Variants in IL20RB observed in about 807,000 individuals in gnomAD.
IL20RB encodes the protein interleukin-20 receptor subunit beta.
In IL20RB, 21 loss-of-function variants were observed where a neutral mutation model predicts 33.3. That is an observed-to-expected ratio of 0.63 (90% CI 0.45 to 0.91). The LOEUF (loss-of-function observed/expected upper bound fraction) is 0.91. IL20RB is among the 40% of genes least tolerant of loss of function. The pLI, the probability that IL20RB is intolerant of heterozygous loss-of-function variation, is 0.00. For synonymous variants in IL20RB, 147 were observed against 146.8 expected, an observed-to-expected ratio of 1.00 and a Z score of -0.01; for missense variants, 345 against 384.8, an observed-to-expected ratio of 0.90 and a Z score of 0.86.
intron 3 of IL20RB, among the ~76,000 whole-genome samples, chr3:136,984,556 A>G (rs2108202346): frequency 6.6e-6 from 1 of 152,122 alleles, no homozygotes; most frequent in African/African-American, 2.4e-5. Context: ...CAGAATTTGC[A>G]GCATTCGGAT....
intron 6 of IL20RB, among the ~76,000 whole-genome samples, chr3:137,006,248 G>C (rs964057319): frequency 2.0e-5 from 3 of 150,226 alleles, no homozygotes; most frequent in Non-Finnish European, 4.5e-5. Flanking sequence ...GTGTCTTGGG[G>C]TTGCTCTTCT....
At chr3:136,982,063 C>A in intron 2 of IL20RB, 97 bp from the exon 3 acceptor site, 2 of 790,666 alleles carry the variant, frequency 2.5e-6, no homozygotes, top group Non-Finnish European at 3.9e-6. Context: ...TTTTACTTAC[C>A]TGTACAAAGT....
chr3:136,996,545 G>A (rs1942131418), intron 6 of IL20RB, among the ~76,000 whole-genome samples: 1 of 152,078 alleles, frequency 6.6e-6, no homozygotes, highest in Non-Finnish European at 1.5e-5. Context: ...TGACATCCCT[G>A]TGGCCCTGCT....
At chr3:137,003,037 C>T (rs145613481) in intron 6 of IL20RB, among the ~76,000 whole-genome samples, 1,845 of 152,224 alleles carry the variant, frequency 0.012, 32 homozygotes, top group African/African-American at 0.035. Context: ...ATCCTTTCCC[C>T]ATTTCTTGTT....
At chr3:136,987,360 C>T (rs1219503204) in intron 3 of IL20RB, among the ~76,000 whole-genome samples, 2 of 152,222 alleles carry the variant, frequency 1.3e-5, no homozygotes, top group South Asian at 2.1e-4. Flanking sequence ...TACAGAGTGT[C>T]GATTGGTGCA....
At chr3:136,989,728 C>G (rs964749060) in intron 4 of IL20RB, among the ~76,000 whole-genome samples, 163 bp downstream of exon 4, 2 of 152,200 alleles carry the variant, frequency 1.3e-5, no homozygotes, top group African/African-American at 4.8e-5. Flanking sequence ...CCATCAGCCT[C>G]TTCTCCAAAG....
In IL20RB at chr3:137,010,360, A is replaced by T. The variant is rs757409553; in HGVS notation, c.*137A>T. Reference sequence around the variant, plus strand: ...GGAAGAGCCTGTTGTCTACAAGTCTAGAAGCAACCATCAGAGGCAGGGTGG... The same window carrying T: ...GGAAGAGCCTGTTGTCTACAAGTCTTGAAGCAACCATCAGAGGCAGGGTGG... On this transcript the variant is annotated 3_prime_UTR_variant, in exon 7 of 7. Transcript: ENST00000329582. The T allele has an allele frequency of 1.7e-6, 1 of 604,420 alleles. No homozygotes were observed. Among genetic ancestry groups the T allele is most frequent in the African/African-American group, 1.9e-5 (1 of 53,890 alleles). The allele number at this position is 604,420 out of a possible 1,614,324, so 37.4% of individuals were successfully genotyped here.
chr3:136,976,062 A>G (rs1941610904), intron 1 of IL20RB, among the ~76,000 whole-genome samples: 4 of 152,218 alleles, frequency 2.6e-5, no homozygotes, highest in Non-Finnish European at 5.9e-5. Context: ...GACAGTCTCC[A>G]GGACTGCAGG....
intron 1 of IL20RB, among the ~76,000 whole-genome samples, chr3:136,969,946 T>C (rs542540563): frequency 2.8e-4 from 42 of 152,274 alleles, no homozygotes; most frequent in Middle Eastern, 3.4e-3. Flanking sequence ...TTCTCCTGTT[T>C]TTTCCTAAAA....
At chr3:136,985,793 G>A (rs1158739005) in intron 3 of IL20RB, among the ~76,000 whole-genome samples, 1 of 152,196 alleles carries the variant, frequency 6.6e-6, no homozygotes, top group Non-Finnish European at 1.5e-5. Flanking sequence ...TTCACTGGGA[G>A]TTTAAAATTC....
rs563083435 is a variant in IL20RB, at chr3:136,984,788, T to C, written c.406+2438T>C. Among the ~76,000 whole-genome samples, 5 of 152,020 alleles carry C rather than the reference T, an allele frequency of 3.3e-5. No homozygotes were observed. In the East Asian group the frequency reaches 7.8e-4, roughly 24 times the overall value. ...AATGGAATGGAATGGAATGACTTCA[T>C]GGAATGGAGAGGATGATCATCTGGC... On this transcript the variant is annotated intron_variant, in intron 3 of 6. Transcript: ENST00000329582.
At chr3:136,995,241 G>A (rs1173248867) in intron 5 of IL20RB, among the ~76,000 whole-genome samples, 173 bp from the exon 6 acceptor site, 1 of 152,198 alleles carries the variant, frequency 6.6e-6, no homozygotes, top group African/African-American at 2.4e-5. Flanking sequence ...CTAGAAAAAT[G>A]CTTTTAATGG....
intron 4 of IL20RB, among the ~76,000 whole-genome samples, chr3:136,991,030 C>G (rs1451910554): frequency 6.6e-6 from 1 of 152,194 alleles, no homozygotes; most frequent in African/African-American, 2.4e-5. Context: ...GTCATCTAGG[C>G]TTGGTCCAGG....
At chr3:136,989,410 G>A (rs772440087) in intron 3 of IL20RB, 31 bp from the exon 4 acceptor site, 12 of 1,612,330 alleles carry the variant, frequency 7.4e-6, no homozygotes, top group Non-Finnish European at 1.0e-5. Flanking sequence ...GTCTGGGGCT[G>A]GCTTTGACTC....
chr3:136,961,541 A>G (rs560423465), intron 1 of IL20RB, among the ~76,000 whole-genome samples: 6 of 151,994 alleles, frequency 3.9e-5, no homozygotes, highest in African/African-American at 1.4e-4. Context: ...CTGGGCAGGG[A>G]AAAAACAAGA....
At chr3:136,959,720 AAC>A (rs1246176380) in intron 1 of IL20RB, among the ~76,000 whole-genome samples, 1 of 152,076 alleles carries the variant, frequency 6.6e-6, no homozygotes, top group Non-Finnish European at 1.5e-5. Flanking sequence ...TTACATAGAA[AAC>A]ACACACACAC....
intron 4 of IL20RB, among the ~76,000 whole-genome samples, chr3:136,989,845 A>G (rs766755469): frequency 1.3e-5 from 2 of 152,176 alleles, no homozygotes; most frequent in Non-Finnish European, 2.9e-5. Flanking sequence ...TAGTTGGACC[A>G]CAATATCTTT....
At chr3:136,971,157 G>A (rs1941472336) in intron 1 of IL20RB, among the ~76,000 whole-genome samples, 1 of 151,942 alleles carries the variant, frequency 6.6e-6, no homozygotes, top group Admixed American at 6.6e-5. Context: ...TTGAGACGGA[G>A]TCTCACTCTG....
chr3:136,966,066 A>T (rs1941341720), intron 1 of IL20RB, among the ~76,000 whole-genome samples: 1 of 122,274 alleles, frequency 8.2e-6, no homozygotes, highest in Non-Finnish European at 1.7e-5. Flanking sequence ...ATGGTGGATA[A>T]GCTTTTTGAT....
Sources: allele counts gnomAD v4.1 joint callset (sites outside exome capture counted in the v4.1 genomes callset), GRCh38; gene constraint gnomAD v4.1.1; transcripts MANE v1.5; gene names NCBI Gene and HGNC (gene_info 2026-07-23, HGNC 2026-07-21).